The following LOXHD1 variants were observed in gnomAD, a reference collection of about 807,000 sequenced individuals.
LOXHD1 encodes the protein lipoxygenase homology domain-containing protein 1.
LOXHD1 carries 205 observed loss-of-function variants against 248.2 expected under a neutral mutation model. That is an observed-to-expected ratio of 0.83 (90% confidence interval 0.74 to 0.93). The LOEUF (loss-of-function observed/expected upper bound fraction) is 0.93. LOXHD1 is among the 40% of genes least tolerant of loss of function. The probability of loss-of-function intolerance (pLI) is 0.00; values close to 1 mark genes in which losing one functional copy is unlikely to be tolerated. For synonymous variants in LOXHD1, 1,113 were observed against 1,162.8 expected (o/e 0.96, Z 0.87); for missense variants, 2,930 against 2,971.6 (o/e 0.99, Z 0.33).
chr18:46,572,672 C>T (rs2037776232), intron 14 of LOXHD1, among the ~76,000 whole-genome samples: 1 of 152,128 alleles, frequency 6.6e-6, no homozygotes, highest in Non-Finnish European at 1.5e-5. Flanking sequence ...TAAGAGCTTT[C>T]CATCCTCATG....
At chr18:46,556,629 C>G (rs918726847) in intron 21 of LOXHD1, 4 of 164,760 alleles carry the variant, frequency 2.4e-5, no homozygotes, top group African/African-American at 9.7e-5. Flanking sequence ...TCACAACCAG[C>G]CCACCCTCAT....
At chr18:46,545,575 G>A (rs1404023157) in intron 22 of LOXHD1, among the ~76,000 whole-genome samples, 154 bp from the exon 23 acceptor site, 1 of 150,036 alleles carries the variant, frequency 6.7e-6, no homozygotes, top group Non-Finnish European at 1.5e-5. Flanking sequence ...TCCTGTATCT[G>A]TGAGCCCAGT....
intron 28 of LOXHD1, 86 bp downstream of exon 28, chr18:46,533,076 G>A: frequency 4.9e-6 from 7 of 1,427,138 alleles, no homozygotes; most frequent in East Asian, 2.5e-5. Context: ...GGGTGAAGAG[G>A]CTTAGCCTGG....
At chr18:46,580,087 CTT>C (rs1338706265) in intron 12 of LOXHD1, among the ~76,000 whole-genome samples, 1 of 152,176 alleles carries the variant, frequency 6.6e-6, no homozygotes, top group East Asian at 1.9e-4. Flanking sequence ...CTCTGGGAAA[CTT>C]TTATAAGAAT....
chr18:46,570,057 T>C (rs1276409012), intron 15 of LOXHD1, among the ~76,000 whole-genome samples: 1 of 152,130 alleles, frequency 6.6e-6, no homozygotes, highest in African/African-American at 2.4e-5. Context: ...ATTATACACA[T>C]GGTATTATTG....
chr18:46,510,006 G>A (rs1434092167), intron 34 of LOXHD1, among the ~76,000 whole-genome samples, 191 bp from the exon 35 acceptor site: 1 of 152,224 alleles, frequency 6.6e-6, no homozygotes, highest in Non-Finnish European at 1.5e-5. Flanking sequence ...ACTGGGTTAA[G>A]TGAGTTTGGC....
At chr18:46,529,575 C>A (rs1451400744) in intron 28 of LOXHD1, among the ~76,000 whole-genome samples, 1 of 152,134 alleles carries the variant, frequency 6.6e-6, no homozygotes, top group Admixed American at 6.5e-5. Flanking sequence ...AAAATAGAAA[C>A]TTTTTTCTAG....
intron 27 of LOXHD1, 54 bp downstream of exon 27, chr18:46,534,281 C>A (rs1434414494): frequency 3.7e-6 from 5 of 1,349,590 alleles, no homozygotes; most frequent in African/African-American, 1.5e-5. Flanking sequence ...TTGCCTTGAA[C>A]CTGCTCTGGA....
intron 6 of LOXHD1, among the ~76,000 whole-genome samples, chr18:46,608,437 G>C (rs1395628171): frequency 6.6e-6 from 1 of 152,192 alleles, no homozygotes; most frequent in African/African-American, 2.4e-5. Context: ...CTGAGTTCAA[G>C]AGGGTGAAAC....
In LOXHD1 at chr18:46,641,936, G is replaced by A; in HGVS notation, c.326+20C>T. On this transcript the variant is annotated intron_variant, in intron 3 of 40. Transcript: ENST00000642948. ...ACTTTCATCTCCACCCTCAATCCTA[G>A]TCAGGCGCCAGCTTCTCACCTGACT... is the stretch of plus-strand genomic sequence containing the variant. The A allele has an allele frequency of 1.3e-6, 2 of 1,549,078 alleles. No homozygotes were observed. Among genetic ancestry groups the A allele is most frequent in the Non-Finnish European group, 1.7e-6 (2 of 1,144,558 alleles).
rs1010867059 is a variant in LOXHD1, at chr18:46,569,551, T to C, written c.2135A>G (p.Lys712Arg). 25 of 1,551,744 alleles carry C rather than the reference T, an allele frequency of 1.6e-5. No individual in the cohort carries two copies. In the African/African-American group the frequency reaches 2.1e-4, roughly 13 times the overall value. The change falls in exon 16 of 41, where the codon AAA becomes AGA. Residue 712 changes from lysine to arginine, a missense_variant. Coordinates refer to ENST00000642948, the MANE Select transcript of LOXHD1 (RefSeq NM_001384474.1). ...AAGAACTTGCTTGATGGTGTCAGAT[T>C]TATCCCCATAGAGCTTGATGTAGAC... ...SRVYIKLYGD[K>R]SDTIKQVLLV...
At chr18:46,576,990 C>G (rs1277106258) in intron 14 of LOXHD1, among the ~76,000 whole-genome samples, 1 of 152,170 alleles carries the variant, frequency 6.6e-6, no homozygotes, top group African/African-American at 2.4e-5. Flanking sequence ...CTGGACCAGC[C>G]CTAATAAAGT....
In LOXHD1 at chr18:46,560,486, G is replaced by A. The variant is rs900433733; in HGVS notation, c.2658C>T (p.Gly886=). The change falls in exon 19 of 41, where the codon GGC becomes GGT. Residue 886 remains glycine (G), a synonymous_variant. Coordinates refer to ENST00000642948, the MANE Select transcript of LOXHD1 (RefSeq NM_001384474.1). ...TGTCCACGAACCAGCTGGGCCCAAA[G>A]CCCTCGCCCGTGTGCCCGAGCCGGA... ...YKLRLGHTGE[G]FGPSWFVDTV... is the part of the protein sequence containing the mutation. 3 of 1,538,708 alleles carry A rather than the reference G, an allele frequency of 1.9e-6. No homozygotes were observed. The highest frequency in any genetic ancestry group is 2.6e-6 in the Non-Finnish European group (3 of 1,146,722).
chr18:46,560,048 T>TGGGGGGCCCC, intron 19 of LOXHD1, 35 bp downstream of exon 19: 1 of 1,226,298 alleles, frequency 8.2e-7, no homozygotes. Context: ...GTCTGGCCAC[T>TGGGGGGCCCC]CCCTCCCCAC....
intron 2 of LOXHD1, among the ~76,000 whole-genome samples, chr18:46,648,131 G>A (rs928460419): frequency 5.9e-5 from 9 of 152,224 alleles, no homozygotes; most frequent in Middle Eastern, 3.4e-3. Context: ...GGTGGCACAC[G>A]CCTGTAGTTC....
At chr18:46,592,127 G>A (rs2038181680) in intron 11 of LOXHD1, 59 bp from the exon 12 acceptor site, 2 of 1,546,204 alleles carry the variant, frequency 1.3e-6, no homozygotes, top group Admixed American at 3.9e-5. Flanking sequence ...CCGATGCCCT[G>A]CAGTCCCCAT....
At chr18:46,579,315 G>A (rs998970553) in intron 13 of LOXHD1, among the ~76,000 whole-genome samples, 10 of 152,174 alleles carry the variant, frequency 6.6e-5, no homozygotes, top group Non-Finnish European at 1.3e-4. Context: ...AGGGGTGGGG[G>A]AGAACCATAA....
At chr18:46,517,123 A>T (rs1335379648) in intron 34 of LOXHD1, among the ~76,000 whole-genome samples, 1 of 152,198 alleles carries the variant, frequency 6.6e-6, no homozygotes, top group African/African-American at 2.4e-5. Flanking sequence ...GTGGGTTTTT[A>T]AAATGTTAAG....
chr18:46,615,259 C>G (rs192571672), intron 5 of LOXHD1, among the ~76,000 whole-genome samples: 2 of 152,304 alleles, frequency 1.3e-5, no homozygotes, highest in African/African-American at 2.4e-5. Flanking sequence ...AATAATGTAG[C>G]TTAGACCTCA....
Sources: gnomAD v4.1 joint callset for allele counts (sites outside exome capture counted in the v4.1 genomes callset) on GRCh38, gnomAD v4.1.1 for gene constraint, MANE v1.5 for transcripts, NCBI Gene and HGNC (gene_info 2026-07-23, HGNC 2026-07-21) for gene names.